ZNF521: variants seen among roughly 807,000 people sequenced by gnomAD.
ZNF521 encodes the protein LYST-interacting protein 3.
A neutral mutation model predicts 105.5 loss-of-function variants in ZNF521; 14 were observed. The observed-to-expected ratio is 0.13, with a 90% CI of 0.09 to 0.21. ZNF521 has a LOEUF of 0.21. Among genes scored for constraint, ZNF521 ranks in the 10% least tolerant of loss-of-function variants. The probability of loss-of-function intolerance (pLI) is 1.00; values close to 1 mark genes in which losing one functional copy is unlikely to be tolerated. For missense variants in ZNF521, 1,233 were observed against 1,629.7 expected (o/e 0.76, Z 4.19); for synonymous variants, 635 against 606.0 (o/e 1.05, Z -0.70).
chr18:25,135,746 T>C (rs1367992370), intron 5 of ZNF521, among the ~76,000 whole-genome samples: 1 of 152,118 alleles, frequency 6.6e-6, no homozygotes, highest in African/African-American at 2.4e-5. Flanking sequence ...AGGAAAGGTG[T>C]AGGGAAATTA....
intron 3 of ZNF521, among the ~76,000 whole-genome samples, chr18:25,234,179 G>A (rs972726221): frequency 6.6e-6 from 1 of 152,052 alleles, no homozygotes; most frequent in Non-Finnish European, 1.5e-5. Flanking sequence ...CTAATGATAA[G>A]CACCCACCTC....
Position 25,247,838 on chromosome 18 carries a change from A to T in ZNF521, c.221-20141T>A, listed in dbSNP as rs1275811402. Reference sequence around the variant, plus strand: ...GGTCCAGTGAGAGGCAAAAAAACCTAAAGTGAAGGAGTATCCCAGTGACAG... The same window carrying T: ...GGTCCAGTGAGAGGCAAAAAAACCTTAAGTGAAGGAGTATCCCAGTGACAG... On this transcript the variant is annotated intron_variant, in intron 3 of 7. Coordinates refer to ENST00000361524, the MANE Select transcript of ZNF521 (RefSeq NM_015461.3). Among the ~76,000 whole-genome samples the T allele has an allele frequency of 7.2e-5, 11 of 152,298 alleles. 1 individual carries two copies. The highest frequency in any genetic ancestry group is 2.6e-4 in the African/African-American group (11 of 41,576).
At chr18:25,233,662 GTTTTT>G (rs373253299) in intron 3 of ZNF521, among the ~76,000 whole-genome samples, 1 of 114,448 alleles carries the variant, frequency 8.7e-6, no homozygotes, top group Non-Finnish European at 1.9e-5. Context: ...AAGCTCAGAG[GTTTTT>G]TTTTTTTTTT....
At chr18:25,223,979 T>C (rs1464971298) in intron 4 of ZNF521, 3 of 250,230 alleles carry the variant, frequency 1.2e-5, no homozygotes, top group Non-Finnish European at 2.3e-5. Flanking sequence ...GCATCTTACT[T>C]TTGAGTCATT....
intron 2 of ZNF521, among the ~76,000 whole-genome samples, chr18:25,338,002 C>T (rs1451563080): frequency 6.6e-6 from 1 of 152,122 alleles, no homozygotes; most frequent in East Asian, 1.9e-4. Context: ...AGACCTCCCG[C>T]TTTTGTTTGG....
At chr18:25,345,525 T>C (rs1180346952) in intron 2 of ZNF521, among the ~76,000 whole-genome samples, 1 of 152,188 alleles carries the variant, frequency 6.6e-6, no homozygotes, top group Non-Finnish European at 1.5e-5. Flanking sequence ...ATAAAACAGA[T>C]GTTTTTGTTT....
At chr18:25,072,461 A>G in intron 7 of ZNF521, among the ~76,000 whole-genome samples, 1 of 152,174 alleles carries the variant, frequency 6.6e-6, no homozygotes, top group East Asian at 1.9e-4. Flanking sequence ...TGTTGTGCAT[A>G]CCTGACAAGC....
intron 2 of ZNF521, among the ~76,000 whole-genome samples, chr18:25,334,794 TA>T (rs1913779811): frequency 6.6e-6 from 1 of 152,126 alleles, no homozygotes; most frequent in South Asian, 2.1e-4. Flanking sequence ...ATAAAGAGGA[TA>T]AAACATGCAG....
chr18:25,128,455 T>C (rs1487101086), intron 5 of ZNF521, among the ~76,000 whole-genome samples: 1 of 151,850 alleles, frequency 6.6e-6, no homozygotes, highest in East Asian at 1.9e-4. Context: ...ATACTGAAAG[T>C]TGTAGCTGAT....
At chr18:25,293,365 C>T (rs1277571262) in intron 3 of ZNF521, among the ~76,000 whole-genome samples, 6 of 151,684 alleles carry the variant, frequency 4.0e-5, no homozygotes, top group Non-Finnish European at 7.4e-5. Flanking sequence ...CACACACACA[C>T]ACACACACAC....
intron 4 of ZNF521, among the ~76,000 whole-genome samples, chr18:25,209,138 T>C (rs2036133189): frequency 6.6e-6 from 1 of 152,074 alleles, no homozygotes; most frequent in Non-Finnish European, 1.5e-5. Context: ...TTCTATTTTT[T>C]CTTTTTTTTT....
intron 3 of ZNF521, among the ~76,000 whole-genome samples, chr18:25,283,024 A>C (rs1015407870): frequency 6.6e-6 from 1 of 152,326 alleles, no homozygotes; most frequent in East Asian, 1.9e-4. Context: ...AATGACTTTA[A>C]CCACAGCGTG....
intron 5 of ZNF521, among the ~76,000 whole-genome samples, chr18:25,097,978 G>A (rs576780790): frequency 5.3e-5 from 8 of 152,216 alleles, no homozygotes; most frequent in African/African-American, 1.4e-4. Flanking sequence ...TAAAGAGCCC[G>A]GGGGCTGCCT....
At chr18:25,166,986 T>C (rs1472916419) in intron 5 of ZNF521, among the ~76,000 whole-genome samples, 5 of 152,180 alleles carry the variant, frequency 3.3e-5, no homozygotes, top group African/African-American at 1.2e-4. Context: ...TAAACTTAAA[T>C]TTGCTTTACT....
intron 5 of ZNF521, among the ~76,000 whole-genome samples, chr18:25,171,576 G>A (rs2035449705): frequency 6.6e-6 from 1 of 152,074 alleles, no homozygotes; most frequent in Non-Finnish European, 1.5e-5. Flanking sequence ...AATAGAACAA[G>A]TATGTGATGG....
chr18:25,286,953 C>T (rs1910739962), intron 3 of ZNF521, among the ~76,000 whole-genome samples: 1 of 152,162 alleles, frequency 6.6e-6, no homozygotes, highest in African/African-American at 2.4e-5. Flanking sequence ...CTTATATTTG[C>T]TGAAGACATC....
chr18:25,116,343 TA>T (rs2034301247), intron 5 of ZNF521, among the ~76,000 whole-genome samples: 1 of 152,180 alleles, frequency 6.6e-6, no homozygotes, highest in African/African-American at 2.4e-5. Context: ...TAGATTTAGA[TA>T]ATGGGTTGCA....
intron 7 of ZNF521, among the ~76,000 whole-genome samples, chr18:25,068,696 A>C (rs1223532817): frequency 6.6e-6 from 1 of 152,146 alleles, no homozygotes; most frequent in Non-Finnish European, 1.5e-5. Context: ...ATGTGTCTGT[A>C]CGGGTCCCTG....
intron 3 of ZNF521, among the ~76,000 whole-genome samples, chr18:25,238,249 TA>T (rs371275297): frequency 2.0e-5 from 3 of 152,106 alleles, no homozygotes; most frequent in African/African-American, 7.2e-5. Flanking sequence ...GTTTCTCTTT[TA>T]AAAAAAATTC....
Sources: allele counts gnomAD v4.1 joint callset (sites outside exome capture counted in the v4.1 genomes callset), GRCh38; gene constraint gnomAD v4.1.1; transcripts MANE v1.5; gene names NCBI Gene and HGNC (gene_info 2026-07-23, HGNC 2026-07-21).